The following SLC44A1 variants were observed in gnomAD, a reference collection of about 807,000 sequenced individuals.
SLC44A1 encodes solute carrier family 44 member 1, also known as choline transporter-like protein 1.
Under a neutral mutation model 79.3 loss-of-function variants are expected in SLC44A1, and 26 were observed. That is an observed-to-expected ratio of 0.33 (90% CI 0.24 to 0.46). SLC44A1 has a LOEUF of 0.46. SLC44A1 is among the 20% of genes least tolerant of loss of function. The pLI is 1.00. For missense variants in SLC44A1, 688 were observed against 798.1 expected (o/e 0.86, Z 1.66); for synonymous variants, 263 against 286.2 (o/e 0.92, Z 0.82).
chr9:105,274,661 T>C (rs1830158853), intron 1 of SLC44A1, among the ~76,000 whole-genome samples: 1 of 152,232 alleles, frequency 6.6e-6, no homozygotes, highest in South Asian at 2.1e-4. Context: ...GCCCAGAATT[T>C]AATAACATAT....
At chr9:105,411,014 T>A (rs1829088153) in intron 15 of SLC44A1, among the ~76,000 whole-genome samples, 1 of 152,196 alleles carries the variant, frequency 6.6e-6, no homozygotes, top group Non-Finnish European at 1.5e-5. Context: ...AGCACATTCA[T>A]GCTTATCAGG....
intron 12 of SLC44A1, among the ~76,000 whole-genome samples, chr9:105,370,920 T>A (rs559399083): frequency 6.6e-6 from 1 of 152,340 alleles, no homozygotes; most frequent in South Asian, 2.1e-4. Context: ...TCAGGATGTA[T>A]CTCATAATCA....
chr9:105,421,712 C>T (rs1032529964), intron 15 of SLC44A1, among the ~76,000 whole-genome samples: 2 of 151,744 alleles, frequency 1.3e-5, no homozygotes, highest in East Asian at 1.9e-4. Context: ...CTCAGCCTCC[C>T]GAGTAGCTGG....
At chr9:105,406,219 A>G (rs1298065081) in intron 15 of SLC44A1, among the ~76,000 whole-genome samples, 2 of 152,140 alleles carry the variant, frequency 1.3e-5, no homozygotes, top group African/African-American at 2.4e-5. Flanking sequence ...GTGGCCACAC[A>G]CACACACACC....
intron 1 of SLC44A1, among the ~76,000 whole-genome samples, chr9:105,279,949 C>T (rs921284185): frequency 1.3e-4 from 20 of 152,260 alleles, no homozygotes; most frequent in Non-Finnish European, 2.6e-4. Context: ...TTTATCAAAG[C>T]GTCAGCAAAT....
chr9:105,276,230 AG>A (rs1360047901), intron 1 of SLC44A1, among the ~76,000 whole-genome samples: 2 of 152,212 alleles, frequency 1.3e-5, no homozygotes, highest in African/African-American at 4.8e-5. Context: ...TTCACAGCCT[AG>A]CCATATGACT....
chr9:105,345,992 G>T (rs1176176349), intron 4 of SLC44A1, among the ~76,000 whole-genome samples: 1 of 112,424 alleles, frequency 8.9e-6, no homozygotes, highest in Admixed American at 9.4e-5. Context: ...TACTTTCACT[G>T]AAAAAAAAAA....
At chr9:105,409,285 A>G (rs1829066841) in intron 15 of SLC44A1, among the ~76,000 whole-genome samples, 1 of 152,258 alleles carries the variant, frequency 6.6e-6, no homozygotes, top group African/African-American at 2.4e-5. Flanking sequence ...GAACTGGAGT[A>G]GCTATAGAAA....
In SLC44A1 at chr9:105,395,920, T is replaced by A; in HGVS notation, c.*6864T>A. ...TGACTTTTTTTTTTTTTTTGTAAAT[T>A]GTATTAGATACCCCACAGGAATGTG... On this transcript the variant is annotated 3_prime_UTR_variant, in exon 16 of 16. Coordinates refer to ENST00000374720, the MANE Select transcript of SLC44A1 (RefSeq NM_080546.5). 1 of 984,484 alleles carries A rather than the reference T, an allele frequency of 1.0e-6. No homozygotes were observed. 61.0% of individuals were successfully genotyped at this position (984,484 alleles called of 1,614,324 possible). A position where few individuals can be genotyped will look rare whatever the true frequency, so the allele number is the denominator to read the frequency against.
At chr9:105,317,640 T>C (rs1831362883) in intron 3 of SLC44A1, among the ~76,000 whole-genome samples, 2 of 152,084 alleles carry the variant, frequency 1.3e-5, no homozygotes, top group Non-Finnish European at 2.9e-5. Flanking sequence ...GTCTGAGGAA[T>C]AGTGTGGTTG....
intron 9 of SLC44A1, among the ~76,000 whole-genome samples, chr9:105,363,961 G>T (rs1047468419): frequency 7.2e-5 from 11 of 152,146 alleles, no homozygotes; most frequent in Admixed American, 7.2e-4. Flanking sequence ...TATAGCCAAG[G>T]ATCTACTTAC....
intron 3 of SLC44A1, among the ~76,000 whole-genome samples, chr9:105,328,648 A>G (rs113042862): frequency 3.4e-4 from 51 of 152,236 alleles, no homozygotes; most frequent in Non-Finnish European, 6.2e-4. Flanking sequence ...GTGAATTACC[A>G]GAAAGGGCCA....
chr9:105,377,567 A>G (rs1464813915), intron 13 of SLC44A1, among the ~76,000 whole-genome samples: 1 of 151,770 alleles, frequency 6.6e-6, no homozygotes, highest in Non-Finnish European at 1.5e-5. Flanking sequence ...CCTGGCCAAC[A>G]ATGTGGTGAA....
chr9:105,364,137 TTATGTAAC>T (rs943292778), intron 9 of SLC44A1, among the ~76,000 whole-genome samples: 46 of 152,192 alleles, frequency 3.0e-4, no homozygotes, highest in Non-Finnish European at 5.7e-4. Flanking sequence ...TAGTAAACTT[TTATGTAAC>T]TATGTAACTT....
intron 15 of SLC44A1, among the ~76,000 whole-genome samples, chr9:105,423,039 G>A (rs755588559): frequency 2.6e-5 from 4 of 152,190 alleles, no homozygotes; most frequent in African/African-American, 4.8e-5. Context: ...AAACTGGGAC[G>A]GAAGGAAAGA....
intron 2 of SLC44A1, among the ~76,000 whole-genome samples, chr9:105,305,622 C>A (rs1425468616): frequency 1.3e-5 from 2 of 152,090 alleles, no homozygotes; most frequent in Non-Finnish European, 1.5e-5. Flanking sequence ...TATATGTTTT[C>A]ATTAATTCCA....
At chr9:105,321,551 A>G (rs1157343559) in intron 3 of SLC44A1, among the ~76,000 whole-genome samples, 3 of 152,170 alleles carry the variant, frequency 2.0e-5, no homozygotes, top group African/African-American at 7.2e-5. Flanking sequence ...TAACTAGAAT[A>G]TGTATAGGTA....
chr9:105,339,215 A>G (rs1165533831), intron 4 of SLC44A1, among the ~76,000 whole-genome samples: 1 of 151,996 alleles, frequency 6.6e-6, no homozygotes, highest in Non-Finnish European at 1.5e-5. Context: ...TATCTAGACT[A>G]TCTGAAGATC....
At chr9:105,438,024 T>A (rs1490471352) in intron 15 of SLC44A1, among the ~76,000 whole-genome samples, 1 of 152,138 alleles carries the variant, frequency 6.6e-6, no homozygotes, top group African/African-American at 2.4e-5. Context: ...ACCATAATTA[T>A]CTCAATTTTA....
Sources: gnomAD v4.1 joint callset for allele counts (sites outside exome capture counted in the v4.1 genomes callset) on GRCh38, gnomAD v4.1.1 for gene constraint, MANE v1.5 for transcripts, NCBI Gene and HGNC (gene_info 2026-07-23, HGNC 2026-07-21) for gene names.